Variants in CPAMD8 observed in about 807,000 individuals in gnomAD.
The protein encoded by CPAMD8 is C3 and PZP like alpha-2-macroglobulin domain containing 8.
In CPAMD8, 146 loss-of-function variants were observed where a neutral mutation model predicts 224.7. That is an observed-to-expected ratio of 0.65 (90% confidence interval 0.57 to 0.75). The LOEUF (loss-of-function observed/expected upper bound fraction) is 0.75. Ranked by LOEUF, CPAMD8 falls within the 30% of genes least tolerant of loss-of-function variation. The pLI, the probability that CPAMD8 is intolerant of heterozygous loss-of-function variation, is 0.00. For synonymous variants in CPAMD8, 966 were observed against 1,044.6 expected, an observed-to-expected ratio of 0.92 and a Z score of 1.45; for missense variants, 2,301 against 2,537.5, an observed-to-expected ratio of 0.91 and a Z score of 2.00.
chr19:16,913,168 A>G (rs2144824255), intron 29 of CPAMD8, among the ~76,000 whole-genome samples: 1 of 152,244 alleles, frequency 6.6e-6, no homozygotes, highest in Middle Eastern at 3.4e-3. Context: ...TTCCAGAAAA[A>G]TGCATTTGGG....
chr19:16,963,252 T>C (rs1407103939), intron 18 of CPAMD8, among the ~76,000 whole-genome samples: 1 of 152,124 alleles, frequency 6.6e-6, no homozygotes, highest in Non-Finnish European at 1.5e-5. Flanking sequence ...ACTGGCAAAT[T>C]GGATAAAGAG....
intron 23 of CPAMD8, among the ~76,000 whole-genome samples, chr19:16,930,267 A>G (rs1044139820): frequency 6.7e-6 from 1 of 149,060 alleles, no homozygotes; most frequent in African/African-American, 2.5e-5. Context: ...AAAAAAAAAG[A>G]AAAAAAAAAG....
At chr19:16,895,927 A>C (rs2981474) in intron 41 of CPAMD8, 1 of 580,234 alleles carries the variant, frequency 1.7e-6, no homozygotes, top group Non-Finnish European at 3.2e-6. Context: ...ACACACACAC[A>C]CGCGCGCGTG....
chr19:16,996,953 C>T (rs1030015820), intron 11 of CPAMD8, among the ~76,000 whole-genome samples, 158 bp downstream of exon 11: 1 of 152,042 alleles, frequency 6.6e-6, no homozygotes, highest in African/African-American at 2.4e-5. Flanking sequence ...GAAAATGTCC[C>T]CTGCCCCTCA....
chr19:16,989,601 G>T (rs1430437746), intron 13 of CPAMD8, 42 bp downstream of exon 13: 2 of 1,589,696 alleles, frequency 1.3e-6, no homozygotes, highest in Non-Finnish European at 1.7e-6. Context: ...CTGCTTTTTG[G>T]ATCCCGCATG....
At chr19:16,971,389 G>A (rs973844041) in intron 17 of CPAMD8, among the ~76,000 whole-genome samples, 1 of 152,094 alleles carries the variant, frequency 6.6e-6, no homozygotes, top group African/African-American at 2.4e-5. Flanking sequence ...GGGTTTGGTG[G>A]CACAGGCTGG....
chr19:16,993,102 G>A (rs1020511622), intron 12 of CPAMD8, among the ~76,000 whole-genome samples: 8 of 152,202 alleles, frequency 5.3e-5, no homozygotes, highest in African/African-American at 1.7e-4. Context: ...GTCTGCCTCT[G>A]AACCTGCACC....
Position 16,989,781 on chromosome 19 carries a change from G to A in CPAMD8, c.1267-10C>T, listed in dbSNP as rs1334495184. ...GTGCCATCACCTTGGTCTGAGAAGA[G>A]AAGATGCTTAGATCAACACCCGAGT... On this transcript the variant is annotated splice_polypyrimidine_tract_variant and intron_variant, in intron 12 of 41. Transcript: ENST00000443236. The A allele has an allele frequency of 2.5e-6, 4 of 1,613,468 alleles. No individual in the cohort carries two copies. The highest frequency in any genetic ancestry group is 4.5e-5 in the East Asian group (2 of 44,870).
At chr19:16,996,447 G>C (rs2056125629) in intron 11 of CPAMD8, among the ~76,000 whole-genome samples, 1 of 152,092 alleles carries the variant, frequency 6.6e-6, no homozygotes, top group Non-Finnish European at 1.5e-5. Flanking sequence ...ATGTCACATG[G>C]GTCTGCACCT....
intron 13 of CPAMD8, among the ~76,000 whole-genome samples, chr19:16,985,637 G>A (rs978173224): frequency 5.3e-5 from 8 of 150,784 alleles, no homozygotes; most frequent in Non-Finnish European, 4.4e-5. Context: ...GAGGCGCAGA[G>A]GGAGGGTGGA....
intron 23 of CPAMD8, among the ~76,000 whole-genome samples, chr19:16,936,134 G>A (rs1445000175): frequency 6.6e-6 from 1 of 151,872 alleles, no homozygotes. Context: ...CATCATGTTG[G>A]CCAGGCTGGT....
At chr19:16,916,374 T>A (rs2052959420) in intron 27 of CPAMD8, among the ~76,000 whole-genome samples, 1 of 151,988 alleles carries the variant, frequency 6.6e-6, no homozygotes, top group South Asian at 2.1e-4. Flanking sequence ...TAGCTGGGAT[T>A]ACAGCCTCCC....
chr19:16,962,599 C>A (rs2054693423), intron 18 of CPAMD8, among the ~76,000 whole-genome samples: 1 of 152,150 alleles, frequency 6.6e-6, no homozygotes, highest in Non-Finnish European at 1.5e-5. Context: ...GAGAATGGAA[C>A]CAAGTTGGAA....
chr19:16,909,979 G>T (rs1392147181), intron 29 of CPAMD8, among the ~76,000 whole-genome samples: 1 of 151,440 alleles, frequency 6.6e-6, no homozygotes, highest in African/African-American at 2.4e-5. Context: ...AGCCTCCCGA[G>T]TAGCTGGGAT....
chr19:16,913,646 T>C (rs1316175792), intron 29 of CPAMD8, among the ~76,000 whole-genome samples: 1 of 152,132 alleles, frequency 6.6e-6, no homozygotes, highest in Non-Finnish European at 1.5e-5. Context: ...GCATTAGGAA[T>C]TCAGCATAAG....
intron 26 of CPAMD8, among the ~76,000 whole-genome samples, chr19:16,924,739 T>C (rs56946330): frequency 0.053 from 8,059 of 151,888 alleles, 716 homozygotes; most frequent in East Asian, 0.46. Flanking sequence ...TGCCACCATG[T>C]CTGGCTAACA....
At chr19:17,010,113 G>A (rs142074376) in intron 5 of CPAMD8, among the ~76,000 whole-genome samples, 13 of 152,208 alleles carry the variant, frequency 8.5e-5, no homozygotes, top group East Asian at 5.8e-4. Flanking sequence ...AATGACCCAC[G>A]ATCAGATCCT....
chr19:16,972,855 CAAAACAA>C (rs1327506582), intron 17 of CPAMD8, among the ~76,000 whole-genome samples: 1 of 151,992 alleles, frequency 6.6e-6, no homozygotes, highest in Non-Finnish European at 1.5e-5. Context: ...TGTTATTTTT[CAAAACAA>C]AAAACAAAAC....
intron 23 of CPAMD8, among the ~76,000 whole-genome samples, chr19:16,931,476 G>T (rs938110442): frequency 6.6e-6 from 1 of 152,198 alleles, no homozygotes; most frequent in Admixed American, 6.5e-5. Context: ...ACCAACACCA[G>T]AGCAGATTGC....
Sources: gnomAD v4.1 joint callset for allele counts (sites outside exome capture counted in the v4.1 genomes callset) on GRCh38, gnomAD v4.1.1 for gene constraint, MANE v1.5 for transcripts, NCBI Gene and HGNC (gene_info 2026-07-23, HGNC 2026-07-21) for gene names.